The following TECPR1 variants were observed in gnomAD, a reference collection of about 807,000 sequenced individuals.
TECPR1 encodes the protein tectonin beta-propeller repeat-containing protein 1.
TECPR1 carries 122 observed loss-of-function variants against 162.4 expected under a neutral mutation model. The ratio of observed to expected loss-of-function variants is 0.75; its 90% CI spans 0.65 to 0.87. TECPR1 has a LOEUF of 0.87. Among genes scored for constraint, TECPR1 ranks in the 40% least tolerant of loss-of-function variants. TECPR1 has a pLI of 0.00. For synonymous variants in TECPR1, 642 were observed against 670.6 expected, an observed-to-expected ratio of 0.96 and a Z score of 0.66; for missense variants, 1,432 against 1,618.2, an observed-to-expected ratio of 0.88 and a Z score of 1.97.
In TECPR1 at chr7:98,244,979, G is replaced by A. The variant is rs771739982; in HGVS notation, c.314C>T (p.Pro105Leu). ...CGAGGGCAGTGCCACCCTGTCCAGCGGCCGGTGCTGGAGCCCACTCACGTC... is the reference window on the plus strand; with the variant it reads ...CGAGGGCAGTGCCACCCTGTCCAGCAGCCGGTGCTGGAGCCCACTCACGTC... ...WSDVSGLQHR[P>L]LDRVALPSPH... Residue 105 changes from proline to leucine, a missense_variant, in exon 4 of 26, where the codon CCG becomes CTG. Physicochemically the swap from Pro to Leu is moderately conservative, Grantham distance 98. Transcript: ENST00000447648. 63 of 1,612,316 alleles carry A rather than the reference G, an allele frequency of 3.9e-5. No individual in the cohort carries two copies. The highest frequency in any genetic ancestry group is 3.3e-4 in the East Asian group (15 of 44,856).
rs1798514812 is a variant in TECPR1, at chr7:98,233,667, G to C, written c.1426C>G (p.Pro476Ala). The change falls in exon 11 of 26, where the codon CCC becomes GCC. Residue 476 changes from proline to alanine, a missense_variant. Pro to Ala is a conservative substitution (Grantham distance 27, BLOSUM62 -1). Coordinates refer to ENST00000447648, the MANE Select transcript of TECPR1 (RefSeq NM_015395.3). ...GSREARPNTH[P>A]GPAPTPAELP... is the part of the protein sequence containing the mutation. ...TCGGCCGGGGTGGGGGCCGGGCCGG[G>C]GTGCGTGTTGGGTCTGGCCTCCCTG... 1 of 1,600,692 alleles carries C rather than the reference G, an allele frequency of 6.2e-7. No homozygotes were observed. Among genetic ancestry groups the C allele is most frequent in the Admixed American group, 1.7e-5 (1 of 58,990 alleles).
In TECPR1 at chr7:98,245,890, C is replaced by T. The variant is rs199747550; in HGVS notation, c.225+32G>A. 2.8e-5 allele frequency: 43 copies of T among 1,558,756 alleles called. No homozygotes were observed. The highest frequency in any genetic ancestry group is 4.8e-5 in the East Asian group (2 of 41,786). On this transcript the variant is annotated intron_variant, in intron 3 of 25. Coordinates refer to ENST00000447648, the MANE Select transcript of TECPR1 (RefSeq NM_015395.3). ...TAACCAATAACCCAGCGAACTGACC[C>T]GCTCGGCAACTCCAACCATGAGGGT...
At position 98,223,714 on chromosome 7, in the gene TECPR1, A is replaced by G; in HGVS notation, c.2695T>C (p.Tyr899His). ...WQYASDFPAS[Y>H]HGSKTMKDFV... ...TCCTTCATCGTTTTGGACCCATGGT[A>G]TGAGCTGCAAGGAGGAAGAAGATGA... Residue 899 changes from tyrosine to histidine, a missense_variant, in exon 20 of 26, where the codon TAC becomes CAC. By Grantham distance (83) the Tyr-to-His change is moderately conservative. Coordinates refer to ENST00000447648, the MANE Select transcript of TECPR1 (RefSeq NM_015395.3). 1 of 1,613,502 alleles carries G rather than the reference A, an allele frequency of 6.2e-7. No individual in the cohort carries two copies. Among genetic ancestry groups the G allele is most frequent in the Non-Finnish European group, 8.5e-7 (1 of 1,179,634 alleles).
chr7:98,221,826 G>A lies in TECPR1; in HGVS notation c.3065-73C>T, dbSNP rs1798150160. 10 of 1,229,312 alleles carry A rather than the reference G, an allele frequency of 8.1e-6. No individual in the cohort carries two copies. In the East Asian group the frequency reaches 1.4e-4, roughly 17 times the overall value. The allele number at this position is 1,229,312 out of a possible 1,614,324, so 76.2% of individuals were successfully genotyped here. On this transcript the variant is annotated intron_variant, in intron 22 of 25. Coordinates refer to ENST00000447648, the MANE Select transcript of TECPR1 (RefSeq NM_015395.3). ...TGGGCCAGGTGGGGCTGTGGGCCTC[G>A]GTCCCCAGCTGCCTCTCGGATGTGT... is the stretch of plus-strand genomic sequence containing the variant.
chr7:98,233,039 C>A lies in TECPR1; in HGVS notation c.1673-67G>T, dbSNP rs1279697632. 4.7e-6 allele frequency: 7 copies of A among 1,502,928 alleles called. No individual in the cohort carries two copies. In the East Asian group the frequency reaches 1.6e-4, roughly 35 times the overall value. The allele number at this position is 1,502,928 out of a possible 1,614,324, so 93.1% of individuals were successfully genotyped here. On this transcript the variant is annotated intron_variant, in intron 11 of 25. Transcript: ENST00000447648. The stretch of plus-strand genomic sequence containing the variant: ...CCCGCAGCTGGGCAGGAAGCCACGG[C>A]GCTCCCCTCCACCAAATCAGCCCTT...
intron 6 of TECPR1, among the ~76,000 whole-genome samples, chr7:98,242,888 ACACCCACCCACCCACT>A (rs1798796349): frequency 1.0e-4 from 1 of 9,702 alleles, no homozygotes; most frequent in Non-Finnish European, 3.4e-4. Flanking sequence ...ATCTACCCAT[ACACCCACCCACCCACT>A]CACCCACCCA....
At chr7:98,238,857 T>A (rs1798672948) in intron 8 of TECPR1, among the ~76,000 whole-genome samples, 1 of 152,222 alleles carries the variant, frequency 6.6e-6, no homozygotes, top group African/African-American at 2.4e-5. Flanking sequence ...CTCAGCCACA[T>A]GTGTCCTGGC....
rs1177253113 is a variant in TECPR1 at position 98,215,520 on chromosome 7, G to T, written c.*1870C>A. On this transcript the variant is annotated 3_prime_UTR_variant, in exon 26 of 26. Coordinates refer to ENST00000447648, the MANE Select transcript of TECPR1 (RefSeq NM_015395.3). ...AAAACACCAGGGCACGGACACTCCAGGGGAAATGCTTATTGAGTAAAGTAT... is the reference window on the plus strand; with the variant it reads ...AAAACACCAGGGCACGGACACTCCATGGGAAATGCTTATTGAGTAAAGTAT... The T allele has an allele frequency of 6.6e-6, 1 of 152,248 alleles. No individual in the cohort carries two copies. Among genetic ancestry groups the T allele is most frequent in the South Asian group, 2.1e-4 (1 of 4,836 alleles). 9.4% of individuals were successfully genotyped at this position (152,248 alleles called of 1,614,324 possible). A position where few individuals can be genotyped will look rare whatever the true frequency, so the allele number is the denominator to read the frequency against.
At chr7:98,249,767 C>A (rs569969761) in intron 2 of TECPR1, among the ~76,000 whole-genome samples, 1 of 152,114 alleles carries the variant, frequency 6.6e-6, no homozygotes, top group Non-Finnish European at 1.5e-5. Flanking sequence ...CTGGCCAACA[C>A]GGTGAAACCC....
Position 98,233,344 on chromosome 7 carries a change from C to T in TECPR1, c.1672+77G>A, listed in dbSNP as rs1010693355. The stretch of plus-strand genomic sequence containing the variant: ...AGCAGGCCTGCCCGAGCCCCCTGAC[C>T]CCGGCCTCCTCCCACACCCCACACC... On this transcript the variant is annotated intron_variant, in intron 11 of 25. Transcript: ENST00000447648. 79 of 1,388,722 alleles carry T rather than the reference C, an allele frequency of 5.7e-5. No individual in the cohort carries two copies. In the Middle Eastern group the frequency reaches 1.1e-3, roughly 18 times the overall value. 86.0% of individuals were successfully genotyped at this position (1,388,722 alleles called of 1,614,324 possible). A position where few individuals can be genotyped will look rare whatever the true frequency, so the allele number is the denominator to read the frequency against.
chr7:98,243,566 C>T lies in TECPR1; in HGVS notation c.558G>A (p.Glu186=), dbSNP rs745794811. 3.7e-6 allele frequency: 6 copies of T among 1,612,404 alleles called. No homozygotes were observed. The African/African-American group carries it at 8.0e-5, about 22-fold the overall frequency. The change falls in exon 6 of 26, where the codon GAG becomes GAA. Residue 186 remains glutamate (E), a synonymous_variant. Transcript: ENST00000447648. Reference sequence around the variant, plus strand: ...AGAGGTCGTTGAAGGGGTCGGGCAGCTCCTTGGGGTCATCCTTCGAGGGGA... The same window carrying T: ...AGAGGTCGTTGAAGGGGTCGGGCAGTTCCTTGGGGTCATCCTTCGAGGGGA... The part of the protein sequence containing the change: ...AKIPSKDDPK[E]LPDPFNDLSV...
chr7:98,222,614 G>C, intron 21 of TECPR1, 93 bp from the exon 22 acceptor site: 1 of 1,447,566 alleles, frequency 6.9e-7, no homozygotes, highest in East Asian at 2.5e-5. Flanking sequence ...TAGCGCGTGG[G>C]CAGCATAGGT....
At chr7:98,244,787 G>T in intron 4 of TECPR1, 94 bp from the exon 5 acceptor site, 1 of 1,580,622 alleles carries the variant, frequency 6.3e-7, no homozygotes, top group South Asian at 1.2e-5. Context: ...TGAAACACCC[G>T]AGCTCAGGCA....
At position 98,245,080 on chromosome 7, in the gene TECPR1, G is replaced by A. The variant is rs1466708012; in HGVS notation, c.226-13C>T. 2 of 1,567,788 alleles carry A rather than the reference G, an allele frequency of 1.3e-6. No individual in the cohort carries two copies. The highest frequency in any genetic ancestry group is 1.9e-5 in the Admixed American group (1 of 53,038). On this transcript the variant is annotated splice_polypyrimidine_tract_variant and intron_variant, in intron 3 of 25. Coordinates refer to ENST00000447648, the MANE Select transcript of TECPR1 (RefSeq NM_015395.3). Reference sequence around the variant, plus strand: ...TGGGATTCCAGCGCTGAGGGCCGGGGACACAGAGGCGGCCTTGGACCCAAG... The same window carrying A: ...TGGGATTCCAGCGCTGAGGGCCGGGAACACAGAGGCGGCCTTGGACCCAAG...
intron 16 of TECPR1, chr7:98,228,696 G>A: frequency 3.9e-6 from 1 of 256,680 alleles, no homozygotes; most frequent in East Asian, 7.6e-5. Flanking sequence ...TTTCCAGTAG[G>A]AACAGAGGGA....
chr7:98,222,919 G>T, intron 21 of TECPR1, 71 bp downstream of exon 21: 1 of 1,569,608 alleles, frequency 6.4e-7, no homozygotes, highest in Admixed American at 1.8e-5. Flanking sequence ...TCCTGAGCAG[G>T]GTCTGAGCCC....
intron 17 of TECPR1, among the ~76,000 whole-genome samples, chr7:98,226,124 GC>G (rs1798274368): frequency 6.6e-6 from 1 of 152,164 alleles, no homozygotes; most frequent in Non-Finnish European, 1.5e-5. Context: ...TGGGTGCGCA[GC>G]CCTGCCCTGC....
At position 98,233,780 on chromosome 7, in the gene TECPR1, T is replaced by C; in HGVS notation, c.1313A>G (p.Lys438Arg). 6.2e-7 allele frequency: 1 copy of C among 1,612,176 alleles called. No individual in the cohort carries two copies. The highest frequency in any genetic ancestry group is 8.5e-7 in the Non-Finnish European group (1 of 1,179,592). Residue 438 changes from lysine (K) to arginine (R), a missense_variant, in exon 11 of 26, where the codon AAG becomes AGG. Transcript: ENST00000447648. ...ILPAEPLDDSKNATGNSASGL... is the reference protein window; with the variant it reads ...ILPAEPLDDSRNATGNSASGL... ...TGAGGCTGAGTTCCCTGTGGCATTCTTGGAATCGTCTAGAGGTTCTGCAGG... is the reference window on the plus strand; with the variant it reads ...TGAGGCTGAGTTCCCTGTGGCATTCCTGGAATCGTCTAGAGGTTCTGCAGG...
At position 98,228,724 on chromosome 7, in the gene TECPR1, C is replaced by T. The variant is rs555845637; in HGVS notation, c.2410+315G>A. The T allele has an allele frequency of 7.3e-5, 21 of 286,706 alleles. No homozygotes were observed. In the Admixed American group the frequency reaches 8.2e-4, roughly 11 times the overall value. The allele number at this position is 286,706 out of a possible 1,614,324, so 17.8% of individuals were successfully genotyped here. A position where few individuals can be genotyped will look rare whatever the true frequency, so the allele number is the denominator to read the frequency against. ...CAGAGGGACCCTGGCTCCTAGAAAT[C>T]GGGGGGCCACAGAAGTTCAGCGAGT... On this transcript the variant is annotated intron_variant, in intron 16 of 25. Transcript: ENST00000447648.
Sources: allele counts gnomAD v4.1 joint callset (sites outside exome capture counted in the v4.1 genomes callset), GRCh38; gene constraint gnomAD v4.1.1; transcripts MANE v1.5; gene names NCBI Gene and HGNC (gene_info 2026-07-23, HGNC 2026-07-21).